KCNG1: variants seen among roughly 807,000 people sequenced by gnomAD.
The protein encoded by KCNG1 is voltage-gated potassium channel regulatory subunit KCNG1.
Under a neutral mutation model 32.4 loss-of-function variants are expected in KCNG1, and 17 were observed. The ratio of observed to expected loss-of-function variants is 0.52; its 90% CI spans 0.36 to 0.79. KCNG1 has a LOEUF of 0.79. Ranked by LOEUF, KCNG1 falls within the 30% of genes least tolerant of loss-of-function variation. The pLI is 0.00. For missense variants in KCNG1, 441 were observed against 735.2 expected (o/e 0.60, Z 4.63); for synonymous variants, 358 against 339.9 (o/e 1.05, Z -0.59).
rs1256467356 is a variant in KCNG1 at position 51,004,123 on chromosome 20, G to A, written c.1458C>T (p.Ile486=). The part of the protein sequence containing the change: ...RVMFRRAQFL[I]KTKSQLSVSQ... Reference sequence around the variant, plus strand: ...ACACGCTCAGCTGCGACTTGGTTTTGATGAGGAACTGCGCCCTCCGGAACA... The same window carrying A: ...ACACGCTCAGCTGCGACTTGGTTTTAATGAGGAACTGCGCCCTCCGGAACA... Residue 486 remains isoleucine, a synonymous_variant, in exon 3 of 3, where the codon ATC becomes ATT. Coordinates refer to ENST00000371571, the MANE Select transcript of KCNG1 (RefSeq NM_002237.4). This position sits in a 1 kb window ranked among gnomAD's most constrained non-coding sequence, Gnocchi z 4.3. The A allele has an allele frequency of 1.2e-6, 2 of 1,614,110 alleles. No homozygotes were observed. Among genetic ancestry groups the A allele is most frequent in the Admixed American group, 1.7e-5 (1 of 60,014 alleles).
At chr20:51,009,424 A>G in intron 2 of KCNG1, 141 bp downstream of exon 2, 1 of 1,048,304 alleles carries the variant, frequency 9.5e-7, no homozygotes, top group East Asian at 2.6e-5. Context: ...GACCATGCAC[A>G]CAAACATTCC....
Position 51,004,983 on chromosome 20 carries a change from A to T in KCNG1, c.775-177T>A, listed in dbSNP as rs1987771845. The T allele has an allele frequency of 1.7e-6, 1 of 575,988 alleles. No homozygotes were observed. The highest frequency in any genetic ancestry group is 3.0e-6 in the Non-Finnish European group (1 of 338,562). 35.7% of individuals were successfully genotyped at this position (575,988 alleles called of 1,614,324 possible). Reference sequence around the variant, plus strand: ...TCCGAGGCCTGGGGCACTAAGCACCATCTCTACACTGGCCGCTCCTCATCT... The same window carrying T: ...TCCGAGGCCTGGGGCACTAAGCACCTTCTCTACACTGGCCGCTCCTCATCT... On this transcript the variant is annotated intron_variant, in intron 2 of 2. Transcript: ENST00000371571. This position sits in a 1 kb window ranked among gnomAD's most constrained non-coding sequence, Gnocchi z 4.3.
intron 1 of KCNG1, among the ~76,000 whole-genome samples, chr20:51,022,467 G>A (rs1988516853): frequency 6.6e-6 from 1 of 152,096 alleles, no homozygotes; most frequent in Non-Finnish European, 1.5e-5. Context: ...TGTGCCTAAG[G>A]ATACAGTGAA....
intron 1 of KCNG1, among the ~76,000 whole-genome samples, chr20:51,021,116 C>A (rs1404919890): frequency 6.6e-6 from 1 of 152,226 alleles, no homozygotes; most frequent in Non-Finnish European, 1.5e-5. Context: ...CGGGCCTGGG[C>A]TCTCAAGTCT....
At chr20:51,018,069 G>A (rs1568805562) in intron 1 of KCNG1, among the ~76,000 whole-genome samples, 3 of 152,174 alleles carry the variant, frequency 2.0e-5, no homozygotes, top group Non-Finnish European at 2.9e-5. Context: ...ATCATAAGGC[G>A]TTCTGAGTGG....
chr20:51,019,317 G>C (rs1309978515), intron 1 of KCNG1, among the ~76,000 whole-genome samples: 2 of 152,158 alleles, frequency 1.3e-5, no homozygotes, highest in African/African-American at 2.4e-5. Context: ...TTCAAGGCCA[G>C]CCTGGGCAAC....
At chr20:51,022,599 T>A (rs1207753577) in intron 1 of KCNG1, 2 of 152,020 alleles carry the variant, frequency 1.3e-5, no homozygotes, top group African/African-American at 2.4e-5. Context: ...GCGGCGAACG[T>A]CCCGGACTTC....
intron 2 of KCNG1, chr20:51,006,237 T>C (rs1987825280): frequency 1.3e-5 from 2 of 152,222 alleles, no homozygotes; most frequent in Admixed American, 6.5e-5. Flanking sequence ...CAAAATGAAG[T>C]TGAAGAACAG....
chr20:51,010,485 T>G (rs1988039891), intron 1 of KCNG1, 121 bp from the exon 2 acceptor site: 6 of 714,366 alleles, frequency 8.4e-6, no homozygotes, highest in Non-Finnish European at 1.3e-5. Context: ...ATCCATAGGT[T>G]GCAGGCCCTA....
Position 51,010,264 on chromosome 20 carries a change from G to A in KCNG1, c.75C>T (p.His25=). ...ALSCTSDASF[H]PAFLPQRQAI... is the part of the protein sequence containing the mutation. ...CCTGGCGCTGCGGGAGGAAGGCCGG[G>A]TGGAAGGAGGCGTCCGAGGTGCAGC... The change falls in exon 2 of 3, where the codon CAC becomes CAT. Residue 25 remains histidine, a synonymous_variant. Transcript: ENST00000371571. The A allele has an allele frequency of 6.5e-7, 1 of 1,530,614 alleles. No homozygotes were observed. Among genetic ancestry groups the A allele is most frequent in the Non-Finnish European group, 8.7e-7 (1 of 1,148,000 alleles). 94.8% of individuals were successfully genotyped at this position (1,530,614 alleles called of 1,614,324 possible). A position where few individuals can be genotyped will look rare whatever the true frequency, so the allele number is the denominator to read the frequency against.
rs540093313 is a variant in KCNG1, at chr20:51,008,912, G to A, written c.774+653C>T. Among the ~76,000 whole-genome samples, 3 of 152,278 alleles carry A rather than the reference G, an allele frequency of 2.0e-5. No homozygotes were observed. The East Asian group carries it at 5.8e-4, about 29-fold the overall frequency. On this transcript the variant is annotated intron_variant, in intron 2 of 2. Coordinates refer to ENST00000371571, the MANE Select transcript of KCNG1 (RefSeq NM_002237.4). ...CACAGGGTTGCTGGAGCATTCCCTA[G>A]GGAGATAAGACGTAGTTGGCACATG...
Position 51,004,725 on chromosome 20 carries a change from G to C in KCNG1, c.856C>G (p.Arg286Gly). The change falls in exon 3 of 3, where the codon CGG (arginine) becomes GGG (glycine). Residue 286 changes from arginine to glycine, a missense_variant. Physicochemically the swap from Arg to Gly is moderately radical, Grantham distance 125. Transcript: ENST00000371571. This position sits in a 1 kb window ranked among gnomAD's most constrained non-coding sequence, Gnocchi z 4.3. ...AACTTGCTGGGCGCCTGAATGAGCC[G>C]CAGGAGGAACTCCAGGGAGAACCAG... ...VGWFSLEFLL[R>G]LIQAPSKFAF... 6.3e-7 allele frequency: 1 copy of C among 1,594,958 alleles called. No homozygotes were observed. The highest frequency in any genetic ancestry group is 8.5e-7 in the Non-Finnish European group (1 of 1,170,740).
intron 1 of KCNG1, among the ~76,000 whole-genome samples, chr20:51,021,796 C>A (rs1988493599): frequency 6.6e-6 from 1 of 152,124 alleles, no homozygotes; most frequent in Non-Finnish European, 1.5e-5. Flanking sequence ...AACTCATAAA[C>A]CCCATTGGTG....
At chr20:51,009,374 G>A (rs1484956251) in intron 2 of KCNG1, 191 bp downstream of exon 2, 1 of 705,302 alleles carries the variant, frequency 1.4e-6, no homozygotes, top group African/African-American at 1.8e-5. Context: ...ACAGGCACAG[G>A]CGTGGACCCC....
At chr20:51,021,488 T>C (rs940957254) in intron 1 of KCNG1, among the ~76,000 whole-genome samples, 3 of 152,190 alleles carry the variant, frequency 2.0e-5, no homozygotes, top group South Asian at 2.1e-4. Flanking sequence ...AGGCTCTTCA[T>C]AGGGACTCTG....
chr20:51,018,212 G>A (rs1988349020), intron 1 of KCNG1, among the ~76,000 whole-genome samples: 1 of 152,180 alleles, frequency 6.6e-6, no homozygotes, highest in Non-Finnish European at 1.5e-5. Flanking sequence ...CGTCCCTGCT[G>A]CTCCTGCTAA....
rs1287083213 is a variant in KCNG1 at position 51,015,538 on chromosome 20, A to G, written c.-26-5174T>C. On this transcript the variant is annotated intron_variant, in intron 1 of 2. Transcript: ENST00000371571. This position sits in a 1 kb window ranked among gnomAD's most constrained non-coding sequence, Gnocchi z 4.4. Reference sequence around the variant, plus strand: ...AGGGGCCGGAGGGCCAGGGTAGTAGAGCTATGGTGAAGTCAGAGGTGGGGG... The same window carrying G: ...AGGGGCCGGAGGGCCAGGGTAGTAGGGCTATGGTGAAGTCAGAGGTGGGGG... Among the ~76,000 whole-genome samples the G allele has an allele frequency of 2.0e-5, 3 of 152,062 alleles. No homozygotes were observed. The highest frequency in any genetic ancestry group is 4.4e-5 in the Non-Finnish European group (3 of 68,010).
chr20:51,019,714 T>C (rs1190616976), intron 1 of KCNG1, among the ~76,000 whole-genome samples: 4 of 151,718 alleles, frequency 2.6e-5, no homozygotes, highest in Admixed American at 6.6e-5. Context: ...CCAGTGGGTG[T>C]CTCGGGGACC....
Position 51,004,515 on chromosome 20 carries a change from G to A in KCNG1, c.1066C>T (p.Leu356=). The change falls in exon 3 of 3, where the codon CTG becomes TTG. Residue 356 remains leucine, a synonymous_variant. Coordinates refer to ENST00000371571, the MANE Select transcript of KCNG1 (RefSeq NM_002237.4). The surrounding 1 kb of genome is among the most constrained non-coding windows in gnomAD (Gnocchi z 4.3). ...TGCAGCCCCAGGGAGTGGCGCGCCA[G>A]GCGCATCACGTACAGGATGCGCAGC... The part of the protein sequence containing the change: ...RALRILYVMR[L]ARHSLGLQTL... The A allele has an allele frequency of 6.3e-7, 1 of 1,591,402 alleles. No homozygotes were observed. The highest frequency in any genetic ancestry group is 8.5e-7 in the Non-Finnish European group (1 of 1,169,876).
Sources: gnomAD v4.1 joint callset for allele counts (sites outside exome capture counted in the v4.1 genomes callset) on GRCh38, gnomAD v4.1.1 for gene constraint, Gnocchi (gnomAD v3.1) non-coding constraint, MANE v1.5 for transcripts, NCBI Gene and HGNC (gene_info 2026-07-23, HGNC 2026-07-21) for gene names.